The following PLEKHJ1 variants were observed in gnomAD, a reference collection of about 807,000 sequenced individuals.
PLEKHJ1 encodes the protein pleckstrin homology domain-containing family J member 1.
In PLEKHJ1, 20 loss-of-function variants were observed where a neutral mutation model predicts 21.7. That is an observed-to-expected ratio of 0.92 (90% CI 0.65 to 1.34). PLEKHJ1 has a LOEUF of 1.34. Ranked by LOEUF, PLEKHJ1 falls within the 40% of genes most tolerant of loss-of-function variation. The probability of loss-of-function intolerance (pLI) is 0.00; values close to 1 mark genes in which losing one functional copy is unlikely to be tolerated. For missense variants in PLEKHJ1, 241 were observed against 202.0 expected, an observed-to-expected ratio of 1.19 and a Z score of -1.17; for synonymous variants, 113 against 80.6, an observed-to-expected ratio of 1.40 and a Z score of -2.15.
chr19:2,232,913 G>A (rs530178917), downstream of PLEKHJ1, among the ~76,000 whole-genome samples: 50 of 152,258 alleles, frequency 3.3e-4, 1 homozygote, highest in African/African-American at 1.1e-3. Flanking sequence ...GCCACACTCC[G>A]GGAGGGCCCG....
At chr19:2,235,636 G>T in intron 3 of PLEKHJ1, 126 bp downstream of exon 3, 1 of 781,016 alleles carries the variant, frequency 1.3e-6, no homozygotes, top group Non-Finnish European at 2.0e-6. Context: ...GCACTCTTGT[G>T]TTTGAGGAGG....
At chr19:2,232,123 G>A (rs1001237967), downstream of PLEKHJ1, 17 of 220,768 alleles carry the variant, frequency 7.7e-5, no homozygotes, top group African/African-American at 2.7e-4. Context: ...CTGAGTTTCC[G>A]TGGGCAGCTG....
intron 3 of PLEKHJ1, chr19:2,234,521 G>A (rs781008812): frequency 1.0e-5 from 4 of 392,330 alleles, no homozygotes; most frequent in Non-Finnish European, 1.4e-5. Context: ...GACCAGCCTG[G>A]GTGACATGGC....
rs749030758 is a variant in PLEKHJ1 at position 2,235,925 on chromosome 19, C to G, written c.160G>C (p.Glu54Gln). The G allele has an allele frequency of 6.8e-6, 11 of 1,609,402 alleles. No individual in the cohort carries two copies. In the Admixed American group the frequency reaches 1.8e-4, roughly 27 times the overall value. Reference sequence around the variant, plus strand: ...CCGCGCGCCCGGGACGCCCCTACCTCGGCCTCGTCTGTCCGAAAGTAGAAG... The same window carrying G: ...CCGCGCGCCCGGGACGCCCCTACCTGGGCCTCGTCTGTCCGAAAGTAGAAG... Reference protein sequence around the residue: ...FLFYFRTDEAEPVGALLLERC... With the variant: ...FLFYFRTDEAQPVGALLLERC... The change falls in exon 2 of 6, where the codon GAG (glutamate) becomes CAG (glutamine). Residue 54 changes from glutamate to glutamine, a missense_variant and splice_region_variant. By Grantham distance (29) the Glu-to-Gln change is conservative. Coordinates refer to ENST00000326631, the MANE Select transcript of PLEKHJ1 (RefSeq NM_018049.3).
chr19:2,232,831 C>T (rs1330600759), downstream of PLEKHJ1, among the ~76,000 whole-genome samples: 1 of 152,210 alleles, frequency 6.6e-6, no homozygotes, highest in Non-Finnish European at 1.5e-5. Flanking sequence ...AACGGAAAAC[C>T]AGATCTGCGA....
downstream of PLEKHJ1, chr19:2,231,684 C>T (rs192461348): frequency 2.8e-3 from 592 of 214,674 alleles, 12 homozygotes; most frequent in Admixed American, 0.028. Context: ...GCAGCCTGCT[C>T]TGTGTCGCCA....
downstream of PLEKHJ1, chr19:2,231,991 C>CGGGT (rs1303672371): frequency 1.4e-5 from 3 of 209,746 alleles, no homozygotes; most frequent in Non-Finnish European, 2.9e-5. Context: ...TGCGGACACC[C>CGGGT]TCCTGTTCTG....
At chr19:2,234,440 G>C (rs2024727415) in intron 3 of PLEKHJ1, 200 bp from the exon 4 acceptor site, 1 of 564,074 alleles carries the variant, frequency 1.8e-6, no homozygotes, top group African/African-American at 1.9e-5. Context: ...GCCAGGTGCG[G>C]TGGCTCATGC....
chr19:2,231,200 G>C (rs533550857), downstream of PLEKHJ1: 1 of 227,722 alleles, frequency 4.4e-6, no homozygotes, highest in African/African-American at 2.2e-5. Context: ...TGAGCTCCCC[G>C]CATCTGGCCC....
At position 2,234,253 on chromosome 19, in the gene PLEKHJ1, C is replaced by A. The variant is rs766447193; in HGVS notation, c.230-13G>T. On this transcript the variant is annotated splice_polypyrimidine_tract_variant and intron_variant, in intron 3 of 5. Transcript: ENST00000326631. ...TCCTCAATGAAGCCTGGGGATGGAA[C>A]ACCTGTGGTCGGTCCTACCCACAGC... 4.4e-6 allele frequency: 7 copies of A among 1,604,934 alleles called. No homozygotes were observed.
In PLEKHJ1 at chr19:2,233,741, C is replaced by A; in HGVS notation, c.*99G>T. ...ACACAGTGAAACCCTGACCCAAAAA[C>A]CAAAAACCAAAACAAAACAGATCCA... On this transcript the variant is annotated 3_prime_UTR_variant, in exon 6 of 6. Transcript: ENST00000326631. The A allele has an allele frequency of 8.0e-7, 1 of 1,249,360 alleles. No individual in the cohort carries two copies. Among genetic ancestry groups the A allele is most frequent in the Non-Finnish European group, 1.1e-6 (1 of 900,754 alleles). The allele number at this position is 1,249,360 out of a possible 1,614,324, so 77.4% of individuals were successfully genotyped here.
intron 3 of PLEKHJ1, chr19:2,235,261 G>A (rs2024758712): frequency 6.5e-6 from 1 of 153,952 alleles, no homozygotes; most frequent in Non-Finnish European, 1.4e-5. Context: ...TGTAGAGAAT[G>A]TTTCTGATAT....
chr19:2,230,581 G>A (rs138828181), downstream of PLEKHJ1: 2,354 of 398,704 alleles, frequency 5.9e-3, 15 homozygotes, highest in Middle Eastern at 0.014. Context: ...CCTGCGATGC[G>A]GGGCAGGCCT....
At chr19:2,234,481 T>C (rs1447344828) in intron 3 of PLEKHJ1, 2 of 477,486 alleles carry the variant, frequency 4.2e-6, no homozygotes, top group African/African-American at 3.9e-5. Flanking sequence ...GAGGCCAAGG[T>C]GGGAGGATTG....
At chr19:2,230,799 C>T (rs556990374), downstream of PLEKHJ1, 12 of 385,102 alleles carry the variant, frequency 3.1e-5, no homozygotes, top group African/African-American at 2.5e-4. Flanking sequence ...AGCGTCAGCC[C>T]CGACCCTAGA....
At chr19:2,233,928 T>G (rs201422658) in intron 5 of PLEKHJ1, 23 bp from the exon 6 acceptor site, 15 of 1,612,536 alleles carry the variant, frequency 9.3e-6, no homozygotes, top group Non-Finnish European at 1.3e-5. Flanking sequence ...CGGGTGGCCA[T>G]GAGCCAGGGC....
chr19:2,233,904 T>C lies in PLEKHJ1; in HGVS notation c.386A>G (p.Asp129Gly). 6.2e-7 allele frequency: 1 copy of C among 1,612,426 alleles called. No individual in the cohort carries two copies. Among genetic ancestry groups the C allele is most frequent in the Non-Finnish European group, 8.5e-7 (1 of 1,179,780 alleles). Residue 129 changes from aspartate (D) to glycine (G), a missense_variant and splice_region_variant, in exon 6 of 6, where the codon GAC (aspartate) becomes GGC (glycine). Physicochemically the swap from Asp to Gly is moderately conservative, Grantham distance 94 (BLOSUM62 -1). Transcript: ENST00000326631. ...RNEIRKVTGKDPLEQFGISEE... is the reference protein window; with the variant it reads ...RNEIRKVTGKGPLEQFGISEE... ...GGATATGCCGAACTGTTCCAGGGGG[T>C]CCTGTGGGGAGGACGGGTGGCCATG...
chr19:2,235,687 C>G, intron 3 of PLEKHJ1, 75 bp downstream of exon 3: 11 of 1,376,986 alleles, frequency 8.0e-6, no homozygotes, highest in Non-Finnish European at 1.1e-5. Flanking sequence ...CTTGGGCGCC[C>G]GGGGAGGGGA....
rs2024722700 is a variant in PLEKHJ1, at chr19:2,234,374, A to G, written c.230-134T>C. On this transcript the variant is annotated intron_variant, in intron 3 of 5. Coordinates refer to ENST00000326631, the MANE Select transcript of PLEKHJ1 (RefSeq NM_018049.3). ...TCCTGACCCCCCAGAACCCATGAGTATGGCCCTGTATATAAACAGGGTCTT... is the reference window on the plus strand; with the variant it reads ...TCCTGACCCCCCAGAACCCATGAGTGTGGCCCTGTATATAAACAGGGTCTT... 3 of 633,146 alleles carry G rather than the reference A, an allele frequency of 4.7e-6. No homozygotes were observed. The Admixed American group carries it at 8.3e-5, about 18-fold the overall frequency. The allele number at this position is 633,146 out of a possible 1,614,324, so 39.2% of individuals were successfully genotyped here. A position where few individuals can be genotyped will look rare whatever the true frequency, so the allele number is the denominator to read the frequency against.
Sources: allele counts gnomAD v4.1 joint callset (sites outside exome capture counted in the v4.1 genomes callset), GRCh38; gene constraint gnomAD v4.1.1; transcripts MANE v1.5; gene names NCBI Gene and HGNC (gene_info 2026-07-23, HGNC 2026-07-21).